Variants in PDE12 observed in about 807,000 individuals in gnomAD.
The protein encoded by PDE12 is 2',5'-phosphodiesterase 12.
PDE12 carries 26 observed loss-of-function variants against 45.4 expected under a neutral mutation model. The ratio of observed to expected loss-of-function variants is 0.57; its 90% CI spans 0.42 to 0.79. The LOEUF is 0.79. Among genes scored for constraint, PDE12 ranks in the 30% least tolerant of loss-of-function variants. The probability of loss-of-function intolerance (pLI) is 0.00; values close to 1 mark genes in which losing one functional copy is unlikely to be tolerated. For synonymous variants in PDE12, 283 were observed against 323.9 expected (o/e 0.87, Z 1.36); for missense variants, 668 against 790.0 (o/e 0.85, Z 1.85).
chr3:57,609,968 C>G, the PDE12 span, among the ~76,000 whole-genome samples: 1 of 152,084 alleles, frequency 6.6e-6, no homozygotes, highest in Admixed American at 6.6e-5. Flanking sequence ...TGATAAACAT[C>G]AATGCAAAAA....
At chr3:57,630,916 T>C in the PDE12 span, 4 of 1,613,410 alleles carry the variant, frequency 2.5e-6, no homozygotes, top group Non-Finnish European at 3.4e-6. Context: ...GATTTGAATA[T>C]ATTCATACCT....
chr3:57,637,045 T>C, the PDE12 span, among the ~76,000 whole-genome samples: 47 of 151,608 alleles, frequency 3.1e-4, no homozygotes, highest in African/African-American at 1.1e-3. Context: ...TTGCAGATAA[T>C]GGTAAGGACA....
chr3:57,603,307 C>T, the PDE12 span, among the ~76,000 whole-genome samples: 1 of 152,118 alleles, frequency 6.6e-6, no homozygotes, highest in Admixed American at 6.5e-5. Flanking sequence ...TCCATCCTTC[C>T]TGACTGTACA....
chr3:57,587,075 T>C, the PDE12 span, among the ~76,000 whole-genome samples: 1 of 151,858 alleles, frequency 6.6e-6, no homozygotes, highest in Non-Finnish European at 1.5e-5. Flanking sequence ...TCACAGTACT[T>C]TGGGAGGCTG....
the PDE12 span, among the ~76,000 whole-genome samples, chr3:57,588,793 C>T: frequency 6.8e-6 from 1 of 146,626 alleles, no homozygotes. Context: ...CCTGTCACTA[C>T]AAAAAATACA....
chr3:57,609,246 G>A, the PDE12 span, among the ~76,000 whole-genome samples: 6 of 152,198 alleles, frequency 3.9e-5, 1 homozygote, highest in South Asian at 6.3e-4. Context: ...GTGTGTAGAG[G>A]GAAATTTGTA....
At chr3:57,597,472 C>T in the PDE12 span, 1 of 212,514 alleles carries the variant, frequency 4.7e-6, no homozygotes, top group Non-Finnish European at 9.5e-6. Flanking sequence ...CCCCATCCCC[C>T]TGCGCTTCCG....
the PDE12 span, chr3:57,584,072 G>T: frequency 8.8e-7 from 1 of 1,137,056 alleles, no homozygotes; most frequent in Non-Finnish European, 1.3e-6. Flanking sequence ...TTTTATTGTG[G>T]AATTTTCTTA....
At chr3:57,621,681 T>C in the PDE12 span, among the ~76,000 whole-genome samples, 633 of 151,344 alleles carry the variant, frequency 4.2e-3, 6 homozygotes, top group African/African-American at 0.015. Flanking sequence ...AAAATAAAAA[T>C]AATAGAAGAA....
chr3:57,656,249 G>A, the PDE12 span, among the ~76,000 whole-genome samples: 1 of 152,006 alleles, frequency 6.6e-6, no homozygotes, highest in East Asian at 1.9e-4. Flanking sequence ...ATCTTTTCCA[G>A]AACATCATAT....
At chr3:57,650,960 T>C in the PDE12 span, among the ~76,000 whole-genome samples, 1 of 152,110 alleles carries the variant, frequency 6.6e-6, no homozygotes, top group Non-Finnish European at 1.5e-5. Context: ...AGTTTTGTAT[T>C]TTTAGTAGAG....
chr3:57,649,148 T>C, the PDE12 span, among the ~76,000 whole-genome samples: 1 of 152,030 alleles, frequency 6.6e-6, no homozygotes, highest in Non-Finnish European at 1.5e-5. Context: ...ATAAGGAACT[T>C]AAATCAGCAA....
At chr3:57,568,858 CAAA>C (rs10718820), downstream of PDE12, among the ~76,000 whole-genome samples, 11 of 119,106 alleles carry the variant, frequency 9.2e-5, no homozygotes, top group Non-Finnish European at 1.2e-4. Flanking sequence ...ATGTTATGGA[CAAA>C]AAAAAAAAAA....
Position 57,564,804 on chromosome 3 carries a change from C to T in PDE12, c.*4800C>T, listed in dbSNP as rs1219827044. 1 of 147,690 alleles carries T rather than the reference C, an allele frequency of 6.8e-6. No individual in the cohort carries two copies. The highest frequency in any genetic ancestry group is 2.0e-4 in the East Asian group (1 of 4,962). The allele number at this position is 147,690 out of a possible 1,614,324, so 9.1% of individuals were successfully genotyped here. On this transcript the variant is annotated 3_prime_UTR_variant, in exon 3 of 3. Coordinates refer to ENST00000311180, the MANE Select transcript of PDE12 (RefSeq NM_177966.7). ...CCACAGCCTCCCCAAATAGCTGGGA[C>T]TACAGGTGCGCACCGCCACACCTGG...
At chr3:57,578,890 AG>A in the PDE12 span, among the ~76,000 whole-genome samples, 20,367 of 150,256 alleles carry the variant, frequency 0.14, 1,449 homozygotes, top group South Asian at 0.21. Flanking sequence ...CAGCTAGAAA[AG>A]GGGGGGGGCA....
chr3:57,630,358 TA>T, the PDE12 span: 1 of 1,415,406 alleles, frequency 7.1e-7, no homozygotes. Flanking sequence ...CTTCAACTTC[TA>T]AGCATAATTA....
At chr3:57,579,935 C>T in the PDE12 span, among the ~76,000 whole-genome samples, 204 of 151,826 alleles carry the variant, frequency 1.3e-3, no homozygotes, top group Middle Eastern at 3.4e-3. Context: ...CCTGTCTCTA[C>T]GAAAAAAATT....
chr3:57,635,833 AT>A, the PDE12 span, among the ~76,000 whole-genome samples: 14 of 152,084 alleles, frequency 9.2e-5, no homozygotes, highest in African/African-American at 3.4e-4. Flanking sequence ...CTTATACATG[AT>A]TTTTTTTCCT....
the PDE12 span, among the ~76,000 whole-genome samples, chr3:57,602,737 G>C: frequency 6.6e-6 from 1 of 151,854 alleles, no homozygotes; most frequent in African/African-American, 2.4e-5. Flanking sequence ...CGCCTGGCTA[G>C]TTTTTGTAGT....
Sources: gnomAD v4.1 joint callset for allele counts (sites outside exome capture counted in the v4.1 genomes callset) on GRCh38, gnomAD v4.1.1 for gene constraint, MANE v1.5 for transcripts, NCBI Gene and HGNC (gene_info 2026-07-23, HGNC 2026-07-21) for gene names.